Variants in NOTCH2 observed in about 807,000 individuals in gnomAD.
The protein encoded by NOTCH2 is notch receptor 2.
NOTCH2 carries 29 observed loss-of-function variants against 235.8 expected under a neutral mutation model. The ratio of observed to expected loss-of-function variants is 0.12; its 90% confidence interval spans 0.09 to 0.17. The LOEUF (loss-of-function observed/expected upper bound fraction) is 0.17, where lower values mean the gene tolerates loss of function less well. NOTCH2 is among the 10% of genes least tolerant of loss of function. NOTCH2 has a pLI of 1.00. For synonymous variants in NOTCH2, 1,086 were observed against 1,141.5 expected, an observed-to-expected ratio of 0.95 and a Z score of 0.98; for missense variants, 2,285 against 3,150.2, an observed-to-expected ratio of 0.73 and a Z score of 6.57.
intron 23 of NOTCH2, 61 bp downstream of exon 23, chr1:119,928,915 A>C: frequency 7.0e-7 from 1 of 1,424,398 alleles, no homozygotes; most frequent in South Asian, 1.1e-5. Context: ...CACAGGGCCC[A>C]ATTTGTTCAC....
intron 2 of NOTCH2, among the ~76,000 whole-genome samples, chr1:120,017,905 CCTGA>C (rs1436199083): frequency 2.0e-5 from 3 of 151,534 alleles, no homozygotes; most frequent in South Asian, 2.1e-4. Flanking sequence ...GACCTGGAGC[CCTGA>C]CTAAGAAAAA....
At chr1:120,013,859 G>C (rs1321664012) in intron 2 of NOTCH2, among the ~76,000 whole-genome samples, 2 of 151,500 alleles carry the variant, frequency 1.3e-5, no homozygotes, top group South Asian at 2.1e-4. Context: ...GATGGCTAAA[G>C]TTGAATTTGG....
intron 18 of NOTCH2, 117 bp from the exon 19 acceptor site, chr1:119,940,873 A>G (rs1372172251): frequency 3.2e-4 from 283 of 890,148 alleles, no homozygotes; most frequent in Non-Finnish European, 4.4e-5. Context: ...AGCAACCCAT[A>G]TCCCTTAAAC....
chr1:119,978,433 T>C (rs1336256411), intron 5 of NOTCH2, among the ~76,000 whole-genome samples: 1 of 152,112 alleles, frequency 6.6e-6, no homozygotes, highest in African/African-American at 2.4e-5. Flanking sequence ...TCTGCTGCAG[T>C]GAGGAGAATG....
chr1:119,927,790 G>A (rs181197397), intron 23 of NOTCH2, among the ~76,000 whole-genome samples: 3 of 152,312 alleles, frequency 2.0e-5, no homozygotes, highest in Admixed American at 2.0e-4. Context: ...TGCCTCAATA[G>A]CTATTATGTT....
chr1:120,005,273 T>C (rs1435261004), intron 3 of NOTCH2, 56 bp downstream of exon 3: 5 of 1,613,458 alleles, frequency 3.1e-6, no homozygotes, highest in Non-Finnish European at 4.2e-6. Context: ...TAAAAGATGC[T>C]AAATAAAGGT....
At chr1:119,957,749 G>C (rs1344883879) in intron 12 of NOTCH2, among the ~76,000 whole-genome samples, 1 of 151,208 alleles carries the variant, frequency 6.6e-6, no homozygotes, top group Non-Finnish European at 1.5e-5. Flanking sequence ...TGGCCTTCCT[G>C]GTTTGCTGAA....
chr1:120,065,414 T>G (rs1162478941), intron 1 of NOTCH2, among the ~76,000 whole-genome samples: 1 of 152,202 alleles, frequency 6.6e-6, no homozygotes, highest in Non-Finnish European at 1.5e-5. Flanking sequence ...TCCTTCCTCA[T>G]GTACGCATTA....
chr1:119,921,284 C>T (rs587673796), intron 29 of NOTCH2, among the ~76,000 whole-genome samples: 74 of 152,310 alleles, frequency 4.9e-4, no homozygotes, highest in African/African-American at 1.7e-3. Flanking sequence ...CCAATGTCAA[C>T]GTTTTGCCAT....
At position 119,935,505 on chromosome 1, in the gene NOTCH2, G is replaced by A; in HGVS notation, c.3622C>T (p.His1208Tyr). ...NGGTCIDLVN[H>Y]FKCSCPPGTR... ...CCTGGTGGGCAAGAGCACTTGAAAT[G>A]GTTCACAAGGTCAATACAGGTGCCT... Residue 1208 changes from histidine to tyrosine, a missense_variant, in exon 22 of 34, where the codon CAT (histidine) becomes TAT (tyrosine). His to Tyr is a moderately conservative substitution (Grantham distance 83, BLOSUM62 2). Transcript: ENST00000256646. 6.2e-7 allele frequency: 1 copy of A among 1,614,208 alleles called. No individual in the cohort carries two copies. Among genetic ancestry groups the A allele is most frequent in the Non-Finnish European group, 8.5e-7 (1 of 1,180,032 alleles).
intron 2 of NOTCH2, among the ~76,000 whole-genome samples, chr1:120,011,134 T>C (rs1273987188): frequency 1.3e-5 from 2 of 152,136 alleles, no homozygotes; most frequent in Non-Finnish European, 2.9e-5. Flanking sequence ...AGACAGTGAC[T>C]ACTAAGCAGT....
chr1:119,996,291 T>C (rs1201856312), intron 4 of NOTCH2: 7 of 239,572 alleles, frequency 2.9e-5, no homozygotes, highest in Non-Finnish European at 5.9e-5. Flanking sequence ...GGGTTGTGTG[T>C]GCACTCTAGA....
intron 2 of NOTCH2, among the ~76,000 whole-genome samples, chr1:120,023,314 G>C (rs66712428): frequency 6.6e-6 from 1 of 151,240 alleles, no homozygotes. Context: ...GCGGGCGCTT[G>C]TAGTCCCGGC....
At chr1:119,980,276 C>G (rs1223292777) in intron 5 of NOTCH2, among the ~76,000 whole-genome samples, 2 of 152,192 alleles carry the variant, frequency 1.3e-5, no homozygotes, top group African/African-American at 4.8e-5. Context: ...CTTTCCCATT[C>G]CCAGCAGACA....
intron 31 of NOTCH2, among the ~76,000 whole-genome samples, 190 bp downstream of exon 31, chr1:119,919,122 C>T (rs587723142): frequency 6.6e-6 from 1 of 152,300 alleles, no homozygotes; most frequent in South Asian, 2.1e-4. Context: ...CACTATCTTC[C>T]TATATATAGC....
intron 17 of NOTCH2, among the ~76,000 whole-genome samples, chr1:119,946,988 CA>C (rs1553197109): frequency 6.6e-6 from 1 of 151,960 alleles, no homozygotes. Context: ...AGTAAGAAAA[CA>C]AAATTAAACT....
At chr1:119,968,271 G>A in intron 6 of NOTCH2, 39 bp from the exon 7 acceptor site, 1 of 1,604,332 alleles carries the variant, frequency 6.2e-7, no homozygotes, top group Non-Finnish European at 8.5e-7. Context: ...AAGAGAAAAT[G>A]TCTCTCACTT....
At chr1:119,920,480 C>T (rs922860426) in intron 29 of NOTCH2, 83 bp from the exon 30 acceptor site, 55 of 1,410,992 alleles carry the variant, frequency 3.9e-5, no homozygotes, top group Admixed American at 1.0e-4. Context: ...CCTCCACCAC[C>T]GCTGCTTATC....
At chr1:119,925,840 G>T (rs759562674) in intron 24 of NOTCH2, 30 bp from the exon 25 acceptor site, 2 of 1,613,066 alleles carry the variant, frequency 1.2e-6, no homozygotes, top group South Asian at 1.1e-5. Flanking sequence ...AATAAAAATG[G>T]CATTGGTAGG....
Sources: gnomAD v4.1 joint callset for allele counts (sites outside exome capture counted in the v4.1 genomes callset) on GRCh38, gnomAD v4.1.1 for gene constraint, MANE v1.5 for transcripts, NCBI Gene and HGNC (gene_info 2026-07-23, HGNC 2026-07-21) for gene names.